LONRF3: variants seen among roughly 807,000 people sequenced by gnomAD.
LONRF3 encodes the protein LON peptidase N-terminal domain and ring finger 3.
A neutral mutation model predicts 51.7 loss-of-function variants in LONRF3; 19 were observed. The ratio of observed to expected loss-of-function variants is 0.37; its 90% CI spans 0.26 to 0.54. The LOEUF is 0.54. LONRF3 is among the 20% of genes least tolerant of loss of function. The pLI is 0.86. For missense variants in LONRF3, 521 were observed against 623.9 expected, an observed-to-expected ratio of 0.84 and a Z score of 1.76; for synonymous variants, 265 against 257.8, an observed-to-expected ratio of 1.03 and a Z score of -0.27.
intron 3 of LONRF3, among the ~76,000 whole-genome samples, chrX:118,988,104 C>T (rs1923143301): frequency 9.0e-6 from 1 of 111,208 alleles, no homozygotes; most frequent in East Asian, 2.8e-4. Flanking sequence ...CATTCATGCC[C>T]GGTGTTCTTC....
chrX:119,009,011 C>T lies in LONRF3; in HGVS notation c.1531-115C>T, dbSNP rs1256592766. The T allele has an allele frequency of 2.9e-5, 16 of 559,642 alleles. No individual in the cohort carries two copies. The East Asian group carries it at 5.5e-4, about 19-fold the overall frequency. 46.1% of individuals were successfully genotyped at this position (559,642 alleles called of 1,213,427 possible). A position where few individuals can be genotyped will look rare whatever the true frequency, so the allele number is the denominator to read the frequency against. On this transcript the variant is annotated intron_variant, in intron 6 of 10. Coordinates refer to ENST00000371628, the MANE Select transcript of LONRF3 (RefSeq NM_001031855.3). ...GGTAACAGCTGCTAATTTGTGGGTC[C>T]AGATTACTCCAATATGTGGGTCATT...
intron 5 of LONRF3, among the ~76,000 whole-genome samples, chrX:119,002,401 T>C (rs920182439): frequency 3.6e-5 from 4 of 112,600 alleles, no homozygotes; most frequent in Non-Finnish European, 5.6e-5. Context: ...TATTTCAATC[T>C]GGCTTCTTTT....
chrX:118,993,911 T>C (rs184594270), intron 5 of LONRF3, among the ~76,000 whole-genome samples: 46 of 112,194 alleles, frequency 4.1e-4, no homozygotes, highest in Non-Finnish European at 7.1e-4. Flanking sequence ...AAGAATTTTG[T>C]ATCCAGTGAA....
At chrX:118,983,652 T>C (rs1922736308) in intron 3 of LONRF3, among the ~76,000 whole-genome samples, 1 of 112,422 alleles carries the variant, frequency 8.9e-6, no homozygotes, top group African/African-American at 3.2e-5. Context: ...TTTACTCTGC[T>C]GGTGTCTGGG....
intron 5 of LONRF3, among the ~76,000 whole-genome samples, chrX:118,991,217 G>A (rs774170149): frequency 1.2e-4 from 13 of 111,644 alleles, no homozygotes; most frequent in Non-Finnish European, 2.1e-4. Flanking sequence ...CTTGAGACAG[G>A]ACATGTACTC....
At chrX:118,979,608 C>T (rs970828958) in intron 2 of LONRF3, among the ~76,000 whole-genome samples, 2 of 111,758 alleles carry the variant, frequency 1.8e-5, no homozygotes, top group African/African-American at 6.5e-5. Flanking sequence ...TGTTTTCTAT[C>T]GCCATTTTTA....
At chrX:118,981,354 G>A (rs765234808) in intron 2 of LONRF3, among the ~76,000 whole-genome samples, 2 of 109,512 alleles carry the variant, frequency 1.8e-5, no homozygotes, top group South Asian at 4.1e-4. Flanking sequence ...GCATGGTGAC[G>A]CATGCCTGTA....
intron 5 of LONRF3, among the ~76,000 whole-genome samples, chrX:118,993,128 C>G (rs779497124): frequency 2.7e-5 from 3 of 110,793 alleles, no homozygotes; most frequent in Admixed American, 9.6e-5. Context: ...ACACCCCCCC[C>G]CAAAAACCAC....
chrX:118,995,574 A>C (rs1923808221), intron 5 of LONRF3, among the ~76,000 whole-genome samples: 2 of 112,431 alleles, frequency 1.8e-5, no homozygotes, highest in African/African-American at 6.5e-5. Flanking sequence ...AAAGATAAGT[A>C]AAATTGATAG....
intron 10 of LONRF3, 94 bp from the exon 11 acceptor site, chrX:119,017,441 T>C: frequency 1.1e-6 from 1 of 898,953 alleles, no homozygotes; most frequent in Non-Finnish European, 1.5e-6. Context: ...ATGGAGTTGT[T>C]CTACCTGGGG....
intron 5 of LONRF3, 58 bp from the exon 6 acceptor site, chrX:119,006,063 C>T (rs1287745455): frequency 1.4e-6 from 1 of 695,031 alleles, no homozygotes; most frequent in Non-Finnish European, 2.2e-6. Context: ...AGCTTTGAGT[C>T]ACTCTTTTAT....
intron 3 of LONRF3, among the ~76,000 whole-genome samples, chrX:118,986,269 G>A (rs1442653274): frequency 8.9e-6 from 1 of 111,887 alleles, no homozygotes; most frequent in Non-Finnish European, 1.9e-5. Flanking sequence ...AACATCCTCT[G>A]GGAGGCAAAG....
intron 10 of LONRF3, among the ~76,000 whole-genome samples, 160 bp downstream of exon 10, chrX:119,014,516 T>G (rs1925312644): frequency 9.0e-6 from 1 of 111,432 alleles, no homozygotes; most frequent in Non-Finnish European, 1.9e-5. Flanking sequence ...GCGTCATGAG[T>G]AAGACCAAAA....
intron 6 of LONRF3, among the ~76,000 whole-genome samples, 157 bp downstream of exon 6, chrX:119,006,392 T>C (rs1323204476): frequency 9.5e-6 from 1 of 105,210 alleles, no homozygotes; most frequent in African/African-American, 3.6e-5. Context: ...CTATTTCTCC[T>C]GTCTTCTTTT....
intron 10 of LONRF3, among the ~76,000 whole-genome samples, chrX:119,016,866 G>A (rs1027126120): frequency 7.2e-5 from 8 of 111,612 alleles, no homozygotes; most frequent in African/African-American, 6.5e-5. Context: ...CATGGGAATC[G>A]AAGGCCTGAA....
chrX:119,009,179 T>A lies in LONRF3; in HGVS notation c.1584T>A (p.Ala528=). The A allele has an allele frequency of 1.7e-6, 2 of 1,210,941 alleles. No individual in the cohort carries two copies. Among genetic ancestry groups the A allele is most frequent in the Non-Finnish European group, 2.2e-6 (2 of 894,828 alleles). Residue 528 remains alanine, a synonymous_variant, in exon 7 of 11, where the codon GCT becomes GCA. Coordinates refer to ENST00000371628, the MANE Select transcript of LONRF3 (RefSeq NM_001031855.3). The part of the protein sequence containing the change: ...SKNVIMEELI[A]KFLPEELKER... ...ATGTAATAATGGAGGAGCTCATAGC[T>A]AAATTCCTTCCAGAAGAACTGAAGG...
intron 5 of LONRF3, among the ~76,000 whole-genome samples, chrX:119,005,619 T>C (rs185891497): frequency 1.8e-5 from 2 of 112,235 alleles, no homozygotes; most frequent in East Asian, 5.6e-4. Context: ...GGCATTAACA[T>C]TGCTTAGACG....
At chrX:118,991,593 T>G (rs1422998638) in intron 5 of LONRF3, among the ~76,000 whole-genome samples, 6 of 112,265 alleles carry the variant, frequency 5.3e-5, no homozygotes. Context: ...ATGATTATGG[T>G]GTGTGTAACC....
intron 1 of LONRF3, chrX:118,976,781 G>C (rs779119148): frequency 4.4e-5 from 5 of 113,450 alleles, no homozygotes; most frequent in South Asian, 3.6e-4. Context: ...CCAGGAGCTC[G>C]GCCGTGGGGC....
Sources: allele counts gnomAD v4.1 joint callset (sites outside exome capture counted in the v4.1 genomes callset), GRCh38; gene constraint gnomAD v4.1.1; transcripts MANE v1.5; gene names NCBI Gene and HGNC (gene_info 2026-07-23, HGNC 2026-07-21).